The following NAALADL2 variants were observed in gnomAD, a reference collection of about 807,000 sequenced individuals.
NAALADL2 encodes inactive N-acetylated-alpha-linked acidic dipeptidase-like protein 2.
A neutral mutation model predicts 87.2 loss-of-function variants in NAALADL2; 76 were observed. The ratio of observed to expected loss-of-function variants is 0.87; its 90% CI spans 0.72 to 1.05. The LOEUF (loss-of-function observed/expected upper bound fraction) is 1.05. Ranked by LOEUF, NAALADL2 falls within the 50% of genes least tolerant of loss-of-function variation. NAALADL2 has a pLI of 0.00. For synonymous variants in NAALADL2, 354 were observed against 331.0 expected, an observed-to-expected ratio of 1.07 and a Z score of -0.75; for missense variants, 1,089 against 945.8, an observed-to-expected ratio of 1.15 and a Z score of -1.99.
At chr3:175,325,340 C>T (rs1369648482) in intron 5 of NAALADL2, among the ~76,000 whole-genome samples, 1 of 152,148 alleles carries the variant, frequency 6.6e-6, no homozygotes, top group Admixed American at 6.6e-5. Flanking sequence ...CTTCTATATG[C>T]TACAAAAGTA....
chr3:175,463,553 C>G, intron 7 of NAALADL2, 60 bp downstream of exon 7: 2 of 913,258 alleles, frequency 2.2e-6, no homozygotes, highest in South Asian at 3.6e-5. Context: ...AGGAAATGCT[C>G]TGTAATAATT....
At chr3:174,694,404 A>G (rs1728844158) in intron 2 of NAALADL2, among the ~76,000 whole-genome samples, 1 of 152,080 alleles carries the variant, frequency 6.6e-6, no homozygotes, top group Admixed American at 6.6e-5. Flanking sequence ...ATCTTTGCAT[A>G]TCTTTGCATA....
chr3:175,180,692 C>CTTA, intron 2 of NAALADL2, among the ~76,000 whole-genome samples: 1 of 65,458 alleles, frequency 1.5e-5, no homozygotes, highest in East Asian at 5.3e-4. Context: ...TAATTATTAT[C>CTTA]ATAATCATAA....
chr3:174,898,733 A>G (rs1205380747), intron 1 of NAALADL2, among the ~76,000 whole-genome samples: 2 of 152,180 alleles, frequency 1.3e-5, no homozygotes, highest in Non-Finnish European at 2.9e-5. Context: ...CATAGATTAT[A>G]TAATTTCATT....
chr3:175,344,175 G>T (rs944587180), intron 5 of NAALADL2, among the ~76,000 whole-genome samples: 2 of 152,084 alleles, frequency 1.3e-5, no homozygotes. Context: ...TGGCATCCAG[G>T]TAGAGCCCAT....
intron 2 of NAALADL2, among the ~76,000 whole-genome samples, chr3:174,589,784 C>T (rs1012892541): frequency 2.0e-5 from 3 of 151,114 alleles, no homozygotes; most frequent in Admixed American, 6.6e-5. Context: ...AAGTGGAATA[C>T]TAGAATATTA....
rs957494897 is a variant in NAALADL2, at chr3:175,196,794, C to T, written c.546-37137C>T. Among the ~76,000 whole-genome samples the T allele has an allele frequency of 2.0e-5, 3 of 151,938 alleles. No homozygotes were observed. The South Asian group carries it at 6.2e-4, about 31-fold the overall frequency. ...TTCCTTTTTAACAATGATCCTTACA[C>T]TGGATTCATTTGTCTTGAAATTGAA... On this transcript the variant is annotated intron_variant, in intron 2 of 13. Transcript: ENST00000454872.
At chr3:175,061,414 T>TA (rs1713456105) in intron 1 of NAALADL2, among the ~76,000 whole-genome samples, 2 of 152,194 alleles carry the variant, frequency 1.3e-5, no homozygotes, top group African/African-American at 2.4e-5. Flanking sequence ...AATATTCTGT[T>TA]ACATCTGTTG....
intron 5 of NAALADL2, among the ~76,000 whole-genome samples, chr3:175,398,176 A>AT (rs1770058863): frequency 6.6e-6 from 1 of 151,998 alleles, no homozygotes; most frequent in African/African-American, 2.4e-5. Flanking sequence ...GCCAAGGATG[A>AT]TTTTTTTGTG....
intron 2 of NAALADL2, among the ~76,000 whole-genome samples, chr3:174,663,127 T>A (rs545926223): frequency 4.8e-4 from 73 of 152,256 alleles, no homozygotes; most frequent in Non-Finnish European, 7.8e-4. Context: ...TTTAAAAACA[T>A]AAATTTACTT....
At chr3:175,408,667 GTAAAATAGA>G (rs1712887693) in intron 5 of NAALADL2, among the ~76,000 whole-genome samples, 1 of 152,078 alleles carries the variant, frequency 6.6e-6, no homozygotes, top group Non-Finnish European at 1.5e-5. Context: ...CTGTGTTATG[GTAAAATAGA>G]TTGGTCTTGT....
chr3:174,524,217 A>T (rs1720522724), intron 1 of NAALADL2, among the ~76,000 whole-genome samples: 2 of 152,236 alleles, frequency 1.3e-5, no homozygotes, highest in Admixed American at 6.5e-5. Context: ...AATGTATCAG[A>T]TGGCATCCAG....
At chr3:174,725,763 G>C (rs1008508628) in intron 2 of NAALADL2, among the ~76,000 whole-genome samples, 34 of 152,286 alleles carry the variant, frequency 2.2e-4, no homozygotes, top group African/African-American at 7.7e-4. Context: ...TTTCAGAAAT[G>C]TTCTAATTTG....
intron 1 of NAALADL2, among the ~76,000 whole-genome samples, chr3:174,449,622 T>C (rs1281408427): frequency 6.6e-6 from 1 of 152,200 alleles, no homozygotes; most frequent in Non-Finnish European, 1.5e-5. Flanking sequence ...ATCTTAGTTT[T>C]AATAGTTTAC....
intron 5 of NAALADL2, among the ~76,000 whole-genome samples, chr3:175,371,349 G>C (rs1020909669): frequency 3.3e-5 from 5 of 151,968 alleles, no homozygotes; most frequent in Non-Finnish European, 7.4e-5. Flanking sequence ...CTCACTGCAA[G>C]CTCCGCCCCC....
chr3:174,869,068 G>A (rs191429008), intron 1 of NAALADL2, among the ~76,000 whole-genome samples: 1 of 152,210 alleles, frequency 6.6e-6, no homozygotes, highest in Admixed American at 6.5e-5. Context: ...TTCATGCTGG[G>A]AATTTCTATT....
chr3:175,177,255 T>TTA (rs1184902264), intron 2 of NAALADL2, among the ~76,000 whole-genome samples: 1 of 152,098 alleles, frequency 6.6e-6, no homozygotes, highest in Non-Finnish European at 1.5e-5. Flanking sequence ...TACACTTCGT[T>TTA]TATCTGTGAT....
chr3:175,471,472 C>G (rs9290554), intron 8 of NAALADL2, among the ~76,000 whole-genome samples, 167 bp from the exon 9 acceptor site: 80,246 of 134,482 alleles, frequency 0.6, 23,988 homozygotes, highest in Admixed American at 0.7. Flanking sequence ...TAGAGTCTGT[C>G]TCAAAAAAAA....
At chr3:175,399,804 C>T (rs910509945) in intron 5 of NAALADL2, among the ~76,000 whole-genome samples, 1 of 152,032 alleles carries the variant, frequency 6.6e-6, no homozygotes, top group African/African-American at 2.4e-5. Flanking sequence ...CTTATTTTAC[C>T]CGGCTCCTGT....
Sources: gnomAD v4.1 joint callset for allele counts (sites outside exome capture counted in the v4.1 genomes callset) on GRCh38, gnomAD v4.1.1 for gene constraint, MANE v1.5 for transcripts, NCBI Gene and HGNC (gene_info 2026-07-23, HGNC 2026-07-21) for gene names.